Variants in WDFY4 observed in about 807,000 individuals in gnomAD.
WDFY4 encodes the protein WDFY family member 4.
In WDFY4, 169 loss-of-function variants were observed where a neutral mutation model predicts 351.9. That is an observed-to-expected ratio of 0.48 (90% CI 0.42 to 0.55). The LOEUF is 0.55. Among genes scored for constraint, WDFY4 ranks in the 20% least tolerant of loss-of-function variants. The probability of loss-of-function intolerance (pLI) is 0.00; values close to 1 mark genes in which losing one functional copy is unlikely to be tolerated. For synonymous variants in WDFY4, 1,622 were observed against 1,574.6 expected, an observed-to-expected ratio of 1.03 and a Z score of -0.71; for missense variants, 3,803 against 3,935.6, an observed-to-expected ratio of 0.97 and a Z score of 0.90.
chr10:48,886,737 C>T (rs975026079), intron 43 of WDFY4, among the ~76,000 whole-genome samples: 3 of 152,220 alleles, frequency 2.0e-5, no homozygotes, highest in Admixed American at 2.0e-4. Flanking sequence ...CACCTTCTAA[C>T]TTTCGCTCCA....
At chr10:48,770,473 C>T (rs1331702470) in intron 13 of WDFY4, among the ~76,000 whole-genome samples, 1 of 152,190 alleles carries the variant, frequency 6.6e-6, no homozygotes, top group Non-Finnish European at 1.5e-5. Flanking sequence ...TTGGTTCATA[C>T]AGACTGCATC....
At chr10:48,732,519 G>A (rs1389425018) in intron 9 of WDFY4, among the ~76,000 whole-genome samples, 1 of 152,204 alleles carries the variant, frequency 6.6e-6, no homozygotes, top group Non-Finnish European at 1.5e-5. Flanking sequence ...CTTAAGCCAA[G>A]GTCACCAGTC....
At chr10:48,779,377 C>G (rs529047122) in intron 18 of WDFY4, among the ~76,000 whole-genome samples, 1 of 152,382 alleles carries the variant, frequency 6.6e-6, no homozygotes, top group East Asian at 1.9e-4. Flanking sequence ...GTTCTCCAGG[C>G]TCATTTGCCT....
intron 1 of WDFY4, among the ~76,000 whole-genome samples, chr10:48,706,826 GA>G (rs2132184736): frequency 6.6e-6 from 1 of 152,280 alleles, no homozygotes; most frequent in East Asian, 1.9e-4. Context: ...TGAATAATTG[GA>G]TATCACTTAA....
At chr10:48,768,932 G>A (rs2065770501) in intron 13 of WDFY4, among the ~76,000 whole-genome samples, 1 of 152,168 alleles carries the variant, frequency 6.6e-6, no homozygotes, top group Non-Finnish European at 1.5e-5. Context: ...TACTGGAAAA[G>A]GGCATGGTGT....
intron 1 of WDFY4, among the ~76,000 whole-genome samples, chr10:48,686,012 TGGA>T (rs2040507747): frequency 6.6e-6 from 1 of 151,902 alleles, no homozygotes; most frequent in South Asian, 2.1e-4. Context: ...GATAAGGGTC[TGGA>T]GGAGGAGACC....
Position 48,860,083 on chromosome 10 carries a change from T to C in WDFY4, c.6664-7182T>C, listed in dbSNP as rs554429900. 2.6e-5 allele frequency among the ~76,000 whole-genome samples: 4 copies of C among 152,376 alleles called. No homozygotes were observed. The South Asian group carries it at 8.3e-4, about 32-fold the overall frequency. Reference sequence around the variant, plus strand: ...ATTGCAGTTTGTGTCATTTCCTTTTTCATCTATGTTAGTGTTTCTAAAGGT... The same window carrying C: ...ATTGCAGTTTGTGTCATTTCCTTTTCCATCTATGTTAGTGTTTCTAAAGGT... On this transcript the variant is annotated intron_variant, in intron 39 of 61. Coordinates refer to ENST00000325239, the MANE Select transcript of WDFY4 (RefSeq NM_001394531.1).
intron 32 of WDFY4, 93 bp from the exon 33 acceptor site, chr10:48,820,141 T>A: frequency 7.3e-7 from 1 of 1,373,394 alleles, no homozygotes; most frequent in Non-Finnish European, 1.0e-6. Context: ...TCACTGGGCA[T>A]GACAATAATC....
chr10:48,889,383 CT>C (rs2133362153), intron 43 of WDFY4, among the ~76,000 whole-genome samples: 1 of 152,332 alleles, frequency 6.6e-6, no homozygotes, highest in East Asian at 1.9e-4. Context: ...CAGGGCACCA[CT>C]GTGGCCTTGT....
At chr10:48,894,863 G>A (rs1378935820) in intron 44 of WDFY4, among the ~76,000 whole-genome samples, 1 of 152,222 alleles carries the variant, frequency 6.6e-6, no homozygotes, top group Non-Finnish European at 1.5e-5. Context: ...TGTCTCTGTG[G>A]CCTTACTGGG....
intron 39 of WDFY4, among the ~76,000 whole-genome samples, chr10:48,833,117 T>C (rs2068249795): frequency 6.6e-6 from 1 of 150,898 alleles, no homozygotes; most frequent in African/African-American, 2.4e-5. Flanking sequence ...AAACAAGTCT[T>C]CCTAAAACTC....
intron 47 of WDFY4, chr10:48,910,873 T>G: frequency 1.0e-6 from 1 of 983,580 alleles, no homozygotes; most frequent in Non-Finnish European, 1.2e-6. Context: ...CAGCAAACCC[T>G]GGGCACCAGG....
At chr10:48,884,432 T>G (rs2070374553) in intron 43 of WDFY4, 2 of 152,184 alleles carry the variant, frequency 1.3e-5, no homozygotes, top group African/African-American at 4.8e-5. Flanking sequence ...AGAGCTGGCC[T>G]TGTAGTTTCC....
At chr10:48,939,044 T>C (rs1589954418) in intron 47 of WDFY4, among the ~76,000 whole-genome samples, 2 of 152,300 alleles carry the variant, frequency 1.3e-5, no homozygotes, top group African/African-American at 4.8e-5. Context: ...GTCTTGTAGC[T>C]CAATGCAGGC....
At chr10:48,832,326 T>C (rs1589713195) in intron 38 of WDFY4, among the ~76,000 whole-genome samples, 1 of 152,240 alleles carries the variant, frequency 6.6e-6, no homozygotes, top group Non-Finnish European at 1.5e-5. Flanking sequence ...CAACATCTCA[T>C]TGTGGATCAA....
At chr10:48,711,908 G>A (rs563005510) in intron 2 of WDFY4, among the ~76,000 whole-genome samples, 6 of 152,300 alleles carry the variant, frequency 3.9e-5, no homozygotes, top group Non-Finnish European at 8.8e-5. Context: ...TTGTATGGGA[G>A]GGGTTATGGG....
intron 20 of WDFY4, among the ~76,000 whole-genome samples, chr10:48,787,365 C>T (rs937335936): frequency 2.0e-5 from 3 of 152,312 alleles, no homozygotes; most frequent in East Asian, 3.9e-4. Context: ...TGCTGAAGGG[C>T]GATTGAGTGC....
At chr10:48,823,709 C>T in intron 35 of WDFY4, 5 of 993,842 alleles carry the variant, frequency 5.0e-6, no homozygotes, top group Non-Finnish European at 6.0e-6. Flanking sequence ...CATGGACTCC[C>T]AGCTAATATC....
chr10:48,940,788 T>G (rs1174678082), intron 47 of WDFY4, among the ~76,000 whole-genome samples: 1 of 152,162 alleles, frequency 6.6e-6, no homozygotes, highest in Non-Finnish European at 1.5e-5. Flanking sequence ...AGCTGGGCTC[T>G]GTAATCTCTG....
Sources: allele counts gnomAD v4.1 joint callset (sites outside exome capture counted in the v4.1 genomes callset), GRCh38; gene constraint gnomAD v4.1.1; transcripts MANE v1.5; gene names NCBI Gene and HGNC (gene_info 2026-07-23, HGNC 2026-07-21).